The following ENAH variants were observed in gnomAD, a reference collection of about 807,000 sequenced individuals.
ENAH encodes the protein protein enabled homolog.
A neutral mutation model predicts 78.7 loss-of-function variants in ENAH; 23 were observed. The ratio of observed to expected loss-of-function variants is 0.29; its 90% CI spans 0.21 to 0.41. ENAH has a LOEUF of 0.41. Ranked by LOEUF, ENAH falls within the 10% of genes least tolerant of loss-of-function variation. ENAH has a pLI of 1.00. For missense variants in ENAH, 544 were observed against 691.0 expected, an observed-to-expected ratio of 0.79 and a Z score of 2.39; for synonymous variants, 226 against 241.0, an observed-to-expected ratio of 0.94 and a Z score of 0.58.
intron 10 of ENAH, among the ~76,000 whole-genome samples, chr1:225,511,339 T>C (rs1418228458): frequency 6.6e-6 from 1 of 152,240 alleles, no homozygotes; most frequent in Non-Finnish European, 1.5e-5. Context: ...AGGTGATTTA[T>C]CAGATGCTCA....
intron 3 of ENAH, among the ~76,000 whole-genome samples, chr1:225,546,565 T>G (rs2096614790): frequency 6.6e-6 from 1 of 152,176 alleles, no homozygotes; most frequent in South Asian, 2.1e-4. Flanking sequence ...AGAACTGATA[T>G]TAGTTACTCA....
At chr1:225,597,655 C>CAAAAAAAA (rs565567062) in intron 1 of ENAH, among the ~76,000 whole-genome samples, 1 of 61,172 alleles carries the variant, frequency 1.6e-5, no homozygotes, top group African/African-American at 4.7e-5. Context: ...AAGAGCATCT[C>CAAAAAAAA]AAAAAAAAAA....
chr1:225,615,607 TGCCCGGCC>T (rs1558912777), intron 1 of ENAH, among the ~76,000 whole-genome samples: 1 of 151,888 alleles, frequency 6.6e-6, no homozygotes, highest in Non-Finnish European at 1.5e-5. Flanking sequence ...GGAGCGTCTC[TGCCCGGCC>T]GCCCGGCGTC....
intron 1 of ENAH, among the ~76,000 whole-genome samples, chr1:225,643,265 G>C (rs181242078): frequency 1.3e-5 from 2 of 152,266 alleles, no homozygotes; most frequent in Admixed American, 1.3e-4. Context: ...GAATGGAAAT[G>C]AGGAAACACT....
rs1656684451 is a variant in ENAH, at chr1:225,620,754, C to T, written c.5+31932G>A. On this transcript the variant is annotated intron_variant, in intron 1 of 13. Transcript: ENST00000366843. The stretch of plus-strand genomic sequence containing the variant: ...GTGCAGTGGCTCACACCTGTAATCC[C>T]AGCACTTTGGGAGGCCAAGGTGGGC... Among the ~76,000 whole-genome samples the T allele has an allele frequency of 1.3e-5, 2 of 152,068 alleles. 1 individual carries two copies. Among genetic ancestry groups the T allele is most frequent in the South Asian group, 4.2e-4 (2 of 4,816 alleles).
At chr1:225,559,403 G>A (rs2096687664) in intron 2 of ENAH, among the ~76,000 whole-genome samples, 1 of 152,096 alleles carries the variant, frequency 6.6e-6, no homozygotes, top group African/African-American at 2.4e-5. Flanking sequence ...ATGTCAATTA[G>A]GCTAGGGAGG....
intron 1 of ENAH, among the ~76,000 whole-genome samples, chr1:225,585,905 C>T (rs1370211564): frequency 6.6e-6 from 1 of 152,128 alleles, no homozygotes; most frequent in Non-Finnish European, 1.5e-5. Context: ...AAAGCAAAGA[C>T]TTGAGCTTCG....
intron 4 of ENAH, among the ~76,000 whole-genome samples, chr1:225,528,289 G>A (rs2096520394): frequency 6.6e-6 from 1 of 152,206 alleles, no homozygotes; most frequent in South Asian, 2.1e-4. Context: ...TGTGCCTGGA[G>A]AAGAGTCTAC....
At chr1:225,636,017 C>T (rs1334540891) in intron 1 of ENAH, among the ~76,000 whole-genome samples, 2 of 152,178 alleles carry the variant, frequency 1.3e-5, no homozygotes, top group Non-Finnish European at 2.9e-5. Flanking sequence ...GCCTGTTGGC[C>T]TTACAATTTT....
At chr1:225,576,394 A>T (rs561481458) in intron 1 of ENAH, among the ~76,000 whole-genome samples, 1 of 152,312 alleles carries the variant, frequency 6.6e-6, no homozygotes, top group African/African-American at 2.4e-5. Context: ...ATATGTGAGT[A>T]TACAGAAATA....
chr1:225,576,275 C>CA (rs35531080), intron 1 of ENAH, among the ~76,000 whole-genome samples: 8,138 of 81,902 alleles, frequency 0.099, 288 homozygotes, highest in South Asian at 0.14. Flanking sequence ...GACTCTGTCT[C>CA]AAAAAAAAAA....
intron 2 of ENAH, among the ~76,000 whole-genome samples, chr1:225,561,380 T>C (rs543592154): frequency 6.6e-6 from 1 of 151,850 alleles, no homozygotes; most frequent in Non-Finnish European, 1.5e-5. Flanking sequence ...TCCCAGCACT[T>C]TGGGAGGCGG....
At chr1:225,637,707 ATT>A (rs1200504095) in intron 1 of ENAH, among the ~76,000 whole-genome samples, 3 of 148,414 alleles carry the variant, frequency 2.0e-5, no homozygotes, top group African/African-American at 7.9e-5. Flanking sequence ...TACTCTAAGA[ATT>A]TAACTGGCTA....
chr1:225,545,910 CTTTTTTTTT>C (rs56105983), intron 3 of ENAH, among the ~76,000 whole-genome samples: 3 of 109,466 alleles, frequency 2.7e-5, no homozygotes, highest in African/African-American at 3.6e-5. Context: ...CATCTGTAAA[CTTTTTTTTT>C]TTTTTTTTTT....
At chr1:225,619,245 A>T (rs748776335) in intron 1 of ENAH, among the ~76,000 whole-genome samples, 16 of 152,184 alleles carry the variant, frequency 1.1e-4, no homozygotes, top group Non-Finnish European at 2.9e-5. Flanking sequence ...ACCTACAGTT[A>T]GCAAAACACC....
At chr1:225,515,890 A>G (rs1409530630) in intron 6 of ENAH, among the ~76,000 whole-genome samples, 1 of 152,214 alleles carries the variant, frequency 6.6e-6, no homozygotes, top group Admixed American at 6.5e-5. Context: ...CCCATTTTGT[A>G]CAGTATAACT....
In ENAH at chr1:225,652,748, G is replaced by C; in HGVS notation, c.-58C>G. 1 of 1,299,706 alleles carries C rather than the reference G, an allele frequency of 7.7e-7. No homozygotes were observed. The highest frequency in any genetic ancestry group is 9.7e-7 in the Non-Finnish European group (1 of 1,025,834). 80.5% of individuals were successfully genotyped at this position (1,299,706 alleles called of 1,614,324 possible). A position where few individuals can be genotyped will look rare whatever the true frequency, so the allele number is the denominator to read the frequency against. On this transcript the variant is annotated 5_prime_UTR_variant, in exon 1 of 14. Coordinates refer to ENST00000366843, the MANE Select transcript of ENAH (RefSeq NM_018212.6). ...CGGGAGACGCAGAAGGCGCCGAGCC[G>C]AGGGGGGGGTCTCTCCTCCAGGGGT... is the stretch of plus-strand genomic sequence containing the variant.
intron 1 of ENAH, among the ~76,000 whole-genome samples, chr1:225,570,187 A>AG (rs2096754102): frequency 6.6e-6 from 1 of 150,782 alleles, no homozygotes; most frequent in South Asian, 2.1e-4. Context: ...AAAAAAAAAA[A>AG]TACATTAGGC....
chr1:225,592,815 T>C (rs969879841), intron 1 of ENAH, among the ~76,000 whole-genome samples: 4 of 94,520 alleles, frequency 4.2e-5, no homozygotes, highest in African/African-American at 1.8e-4. Flanking sequence ...CAGATATTTA[T>C]AGTTTGGCAA....
Sources: allele counts gnomAD v4.1 joint callset (sites outside exome capture counted in the v4.1 genomes callset), GRCh38; gene constraint gnomAD v4.1.1; transcripts MANE v1.5; gene names NCBI Gene and HGNC (gene_info 2026-07-23, HGNC 2026-07-21).